NEK11: variants seen among roughly 807,000 people sequenced by gnomAD.
NEK11 encodes the protein serine/threonine-protein kinase Nek11.
NEK11 carries 72 observed loss-of-function variants against 80.7 expected under a neutral mutation model. The ratio of observed to expected loss-of-function variants is 0.89; its 90% CI spans 0.74 to 1.08. The LOEUF (loss-of-function observed/expected upper bound fraction) is 1.08, where lower values mean the gene tolerates loss of function less well. NEK11 is among the 50% of genes least tolerant of loss of function. The probability of loss-of-function intolerance (pLI) is 0.00; values close to 1 mark genes in which losing one functional copy is unlikely to be tolerated. For synonymous variants in NEK11, 251 were observed against 260.7 expected (o/e 0.96, Z 0.36); for missense variants, 764 against 763.6 (o/e 1.00, Z -0.01).
intron 7 of NEK11, among the ~76,000 whole-genome samples, chr3:131,139,029 CTAAA>C (rs1476582592): frequency 6.6e-6 from 1 of 151,490 alleles, no homozygotes; most frequent in Non-Finnish European, 1.5e-5. Context: ...ACCTAACAAA[CTAAA>C]TAAGGCACTA....
At chr3:131,087,242 T>C (rs1257678675) in intron 4 of NEK11, among the ~76,000 whole-genome samples, 3 of 142,246 alleles carry the variant, frequency 2.1e-5, no homozygotes, top group African/African-American at 7.8e-5. Flanking sequence ...ATTCTTTTTT[T>C]TTTTTTTTTT....
rs1462218541 is a variant in NEK11 at position 131,272,715 on chromosome 3, A to T, written c.1622-763A>T. Among the ~76,000 whole-genome samples, 3 of 151,922 alleles carry T rather than the reference A, an allele frequency of 2.0e-5. No homozygotes were observed. The East Asian group carries it at 5.8e-4, about 29-fold the overall frequency. ...GGTCCCAAACTCGTGACCTCAGGTGATCCGCCCACCTCAGCCTTCCAAAAT... is the reference window on the plus strand; with the variant it reads ...GGTCCCAAACTCGTGACCTCAGGTGTTCCGCCCACCTCAGCCTTCCAAAAT... On this transcript the variant is annotated intron_variant, in intron 16 of 17. Coordinates refer to ENST00000383366, the MANE Select transcript of NEK11 (RefSeq NM_024800.5).
At chr3:131,283,613 C>T (rs1215881983) in intron 17 of NEK11, among the ~76,000 whole-genome samples, 2 of 151,974 alleles carry the variant, frequency 1.3e-5, no homozygotes, top group African/African-American at 2.4e-5. Context: ...AAAGCTCATT[C>T]TGTTTCACTG....
At chr3:131,277,519 T>C (rs540470954) in intron 17 of NEK11, among the ~76,000 whole-genome samples, 1 of 152,318 alleles carries the variant, frequency 6.6e-6, no homozygotes, top group East Asian at 1.9e-4. Flanking sequence ...GAAGGCTTAC[T>C]TAGTGTGTGA....
chr3:131,196,648 C>T (rs2150336393), intron 14 of NEK11, among the ~76,000 whole-genome samples: 1 of 152,074 alleles, frequency 6.6e-6, no homozygotes, highest in African/African-American at 2.4e-5. Context: ...ATTCTCCTGC[C>T]TCAGCCTCCT....
At chr3:131,134,140 A>G in intron 7 of NEK11, 184 bp downstream of exon 7, 1 of 494,350 alleles carries the variant, frequency 2.0e-6, no homozygotes, top group Non-Finnish European at 3.2e-6. Context: ...ACTAGTTTCA[A>G]AAATTCTTTT....
At chr3:131,281,146 A>G (rs946583570) in intron 17 of NEK11, among the ~76,000 whole-genome samples, 29 of 152,298 alleles carry the variant, frequency 1.9e-4, no homozygotes, top group African/African-American at 6.0e-4. Flanking sequence ...CATTTTTTTA[A>G]ACAGCTTTTG....
intron 3 of NEK11, among the ~76,000 whole-genome samples, chr3:131,035,779 G>A (rs898191325): frequency 6.6e-6 from 1 of 152,116 alleles, no homozygotes; most frequent in Non-Finnish European, 1.5e-5. Context: ...AAATAAGCAG[G>A]TGGAATAATT....
intron 14 of NEK11, among the ~76,000 whole-genome samples, chr3:131,200,411 T>C (rs1303214500): frequency 6.6e-6 from 1 of 152,180 alleles, no homozygotes; most frequent in East Asian, 1.9e-4. Flanking sequence ...TGCCTCTTCT[T>C]TGGAAAATAG....
At chr3:131,035,908 C>T (rs548085707) in intron 3 of NEK11, among the ~76,000 whole-genome samples, 2 of 152,308 alleles carry the variant, frequency 1.3e-5, no homozygotes, top group African/African-American at 4.8e-5. Flanking sequence ...CAGTGTTTAT[C>T]TACTAAATAG....
chr3:131,104,215 GT>G (rs1560419172), intron 4 of NEK11, among the ~76,000 whole-genome samples: 1 of 152,106 alleles, frequency 6.6e-6, no homozygotes, highest in Non-Finnish European at 1.5e-5. Flanking sequence ...TACTATGGTG[GT>G]GGCAGTGACA....
At chr3:131,292,407 T>G (rs1255647638) in intron 17 of NEK11, among the ~76,000 whole-genome samples, 1 of 152,208 alleles carries the variant, frequency 6.6e-6, no homozygotes, top group Non-Finnish European at 1.5e-5. Context: ...CTTTTTTACC[T>G]CTCCATATAA....
At chr3:131,137,416 A>C (rs2085824053) in intron 7 of NEK11, among the ~76,000 whole-genome samples, 1 of 152,142 alleles carries the variant, frequency 6.6e-6, no homozygotes, top group South Asian at 2.1e-4. Flanking sequence ...AAATGAGGCC[A>C]TCTAGTAGCT....
At chr3:131,336,071 C>A (rs1477418688) in intron 17 of NEK11, among the ~76,000 whole-genome samples, 4 of 152,120 alleles carry the variant, frequency 2.6e-5, no homozygotes, top group African/African-American at 4.8e-5. Flanking sequence ...TCAATGCCAT[C>A]CCCATCAAGC....
intron 4 of NEK11, among the ~76,000 whole-genome samples, chr3:131,083,037 A>G (rs370394482): frequency 6.6e-6 from 1 of 152,204 alleles, no homozygotes; most frequent in Non-Finnish European, 1.5e-5. Flanking sequence ...TATCATCAGC[A>G]TCACTTGGGA....
chr3:131,157,064 G>C (rs2090790827), intron 10 of NEK11, among the ~76,000 whole-genome samples: 1 of 151,986 alleles, frequency 6.6e-6, no homozygotes, highest in African/African-American at 2.4e-5. Context: ...TCAGAATCAA[G>C]ATCAAATTTT....
At chr3:131,202,990 A>G (rs2094299739) in intron 14 of NEK11, among the ~76,000 whole-genome samples, 1 of 119,930 alleles carries the variant, frequency 8.3e-6, no homozygotes, top group African/African-American at 2.5e-5. Context: ...GGGAGTGTAA[A>G]CTAGTTCAAC....
At chr3:131,152,254 C>T in intron 7 of NEK11, 134 bp from the exon 8 acceptor site, 1 of 635,436 alleles carries the variant, frequency 1.6e-6, no homozygotes, top group Non-Finnish European at 2.6e-6. Context: ...TATGAAACTG[C>T]AGTTTTAAGT....
intron 16 of NEK11, among the ~76,000 whole-genome samples, chr3:131,272,836 C>T (rs1390765246): frequency 6.6e-6 from 1 of 152,090 alleles, no homozygotes; most frequent in African/African-American, 2.4e-5. Context: ...TTCTTTCCCT[C>T]AGTTTCAACA....
Sources: allele counts gnomAD v4.1 joint callset (sites outside exome capture counted in the v4.1 genomes callset), GRCh38; gene constraint gnomAD v4.1.1; transcripts MANE v1.5; gene names NCBI Gene and HGNC (gene_info 2026-07-23, HGNC 2026-07-21).